The following MTREX variants were observed in gnomAD, a reference collection of about 807,000 sequenced individuals.
MTREX encodes exosome RNA helicase MTR4.
A neutral mutation model predicts 135.4 loss-of-function variants in MTREX; 76 were observed. The ratio of observed to expected loss-of-function variants is 0.56; its 90% confidence interval spans 0.47 to 0.68. The LOEUF is 0.68. MTREX is among the 30% of genes least tolerant of loss of function. The probability of loss-of-function intolerance (pLI) is 0.00; values close to 1 mark genes in which losing one functional copy is unlikely to be tolerated. For synonymous variants in MTREX, 404 were observed against 401.6 expected, an observed-to-expected ratio of 1.01 and a Z score of -0.07; for missense variants, 920 against 1,262.1, an observed-to-expected ratio of 0.73 and a Z score of 4.11.
At chr5:55,378,218 C>G in intron 16 of MTREX, 96 bp from the exon 17 acceptor site, 1 of 1,376,356 alleles carries the variant, frequency 7.3e-7, no homozygotes, top group Non-Finnish European at 9.6e-7. Flanking sequence ...ACCGCAACTA[C>G]ACTTGCACCA....
intron 25 of MTREX, 117 bp from the exon 26 acceptor site, chr5:55,422,761 G>T (rs1751073881): frequency 2.8e-6 from 2 of 704,732 alleles, no homozygotes; most frequent in Non-Finnish European, 4.8e-6. Flanking sequence ...TTACTTCATG[G>T]GAAGTCCCTC....
chr5:55,340,539 T>C (rs931126641), intron 6 of MTREX, among the ~76,000 whole-genome samples: 3 of 152,176 alleles, frequency 2.0e-5, no homozygotes, highest in Admixed American at 6.5e-5. Flanking sequence ...TGCCGTCTTC[T>C]ATATCTGAGT....
chr5:55,310,251 C>T (rs748172171), intron 1 of MTREX, among the ~76,000 whole-genome samples: 24 of 152,144 alleles, frequency 1.6e-4, no homozygotes, highest in Non-Finnish European at 1.5e-5. Flanking sequence ...CACAGGAGAA[C>T]GTTAGTAGCT....
chr5:55,364,654 G>A (rs536246048), intron 15 of MTREX, among the ~76,000 whole-genome samples: 44 of 152,276 alleles, frequency 2.9e-4, no homozygotes, highest in Non-Finnish European at 5.0e-4. Flanking sequence ...AGTAATCTAG[G>A]TGTTAGGATG....
intron 16 of MTREX, 91 bp downstream of exon 16, chr5:55,366,966 T>C (rs1041815494): frequency 1.3e-5 from 14 of 1,115,520 alleles, no homozygotes; most frequent in African/African-American, 9.4e-5. Context: ...CTTTTGTTTT[T>C]GTAAGGTAAA....
At chr5:55,380,013 G>A (rs10044065) in intron 18 of MTREX, among the ~76,000 whole-genome samples, 21,346 of 152,118 alleles carry the variant, frequency 0.14, 1,887 homozygotes, top group East Asian at 0.26. Context: ...TCGGCTCACT[G>A]CAATCTCCGC....
intron 19 of MTREX, among the ~76,000 whole-genome samples, chr5:55,396,475 A>ATT (rs1750649080): frequency 2.0e-5 from 3 of 152,218 alleles, no homozygotes; most frequent in Non-Finnish European, 2.9e-5. Context: ...ATGATTAAAA[A>ATT]AGGAAGAGGA....
At chr5:55,366,939 A>G (rs1363993943) in intron 16 of MTREX, 64 bp downstream of exon 16, 1 of 1,318,248 alleles carries the variant, frequency 7.6e-7, no homozygotes, top group Admixed American at 2.4e-5. Context: ...AAATGTCTGC[A>G]TTATTGGCTG....
intron 1 of MTREX, among the ~76,000 whole-genome samples, chr5:55,315,489 C>A (rs1234470823): frequency 6.6e-6 from 1 of 152,056 alleles, no homozygotes; most frequent in African/African-American, 2.4e-5. Flanking sequence ...AGTCTAAAAT[C>A]ATTTTGACAA....
chr5:55,341,818 A>T (rs1440182044), intron 7 of MTREX, 47 bp downstream of exon 7: 3 of 961,440 alleles, frequency 3.1e-6, no homozygotes, highest in Non-Finnish European at 4.7e-6. Context: ...CTTCAGAATG[A>T]CATTAGGAAT....
chr5:55,393,222 C>T (rs892210017), intron 19 of MTREX, among the ~76,000 whole-genome samples: 6 of 152,212 alleles, frequency 3.9e-5, no homozygotes, highest in African/African-American at 1.4e-4. Flanking sequence ...TGAATATATG[C>T]TCCCTGGATT....
intron 16 of MTREX, among the ~76,000 whole-genome samples, chr5:55,367,609 A>G (rs1323437849): frequency 1.3e-5 from 2 of 152,210 alleles, no homozygotes; most frequent in African/African-American, 4.8e-5. Flanking sequence ...CTTGGATTAG[A>G]GTTTAGCTTT....
intron 25 of MTREX, among the ~76,000 whole-genome samples, chr5:55,420,781 T>C (rs528797693): frequency 1.3e-5 from 2 of 152,156 alleles, no homozygotes; most frequent in Admixed American, 1.3e-4. Context: ...AATTAGATAA[T>C]GATGATGGTT....
chr5:55,423,287 G>A (rs1160981080), intron 26 of MTREX: 5 of 289,460 alleles, frequency 1.7e-5, no homozygotes, highest in Non-Finnish European at 3.2e-5. Flanking sequence ...AGTGTGGGGA[G>A]ATAGACAATA....
intron 26 of MTREX, 45 bp downstream of exon 26, chr5:55,423,027 G>A: frequency 6.6e-7 from 1 of 1,504,230 alleles, no homozygotes; most frequent in Non-Finnish European, 9.2e-7. Flanking sequence ...GACAAATTTG[G>A]TGAAGCAAAT....
intron 17 of MTREX, among the ~76,000 whole-genome samples, chr5:55,378,744 C>G (rs1750347125): frequency 1.3e-5 from 2 of 152,038 alleles, no homozygotes; most frequent in African/African-American, 4.8e-5. Flanking sequence ...TAAAATATTT[C>G]TAGTTATGAA....
chr5:55,348,224 G>A (rs1382314192), intron 11 of MTREX, among the ~76,000 whole-genome samples: 1 of 152,194 alleles, frequency 6.6e-6, no homozygotes, highest in African/African-American at 2.4e-5. Context: ...GGGCAGGAGA[G>A]CATGCAAGAG....
intron 1 of MTREX, among the ~76,000 whole-genome samples, chr5:55,312,038 C>T (rs778815170): frequency 7.2e-5 from 11 of 152,018 alleles, no homozygotes; most frequent in Non-Finnish European, 1.2e-4. Context: ...GACAAGTTGG[C>T]GAAAATAGTA....
intron 5 of MTREX, among the ~76,000 whole-genome samples, chr5:55,336,959 T>C (rs1336080124): frequency 6.6e-6 from 1 of 152,200 alleles, no homozygotes; most frequent in Non-Finnish European, 1.5e-5. Flanking sequence ...TCCTGGTCTG[T>C]TTTCCATAAG....
Sources: allele counts gnomAD v4.1 joint callset (sites outside exome capture counted in the v4.1 genomes callset), GRCh38; gene constraint gnomAD v4.1.1; transcripts MANE v1.5; gene names NCBI Gene and HGNC (gene_info 2026-07-23, HGNC 2026-07-21).